The following WWTR1 variants were observed in gnomAD, a reference collection of about 807,000 sequenced individuals.
The protein encoded by WWTR1 is WW domain-containing transcription regulator protein 1.
In WWTR1, 13 loss-of-function variants were observed where a neutral mutation model predicts 40.1. That is an observed-to-expected ratio of 0.32 (90% CI 0.21 to 0.52). WWTR1 has a LOEUF of 0.52. WWTR1 is among the 20% of genes least tolerant of loss of function. The pLI is 0.97. For synonymous variants in WWTR1, 230 were observed against 210.1 expected, an observed-to-expected ratio of 1.09 and a Z score of -0.82; for missense variants, 436 against 523.1, an observed-to-expected ratio of 0.83 and a Z score of 1.63.
At chr3:149,688,829 G>A (rs1044024134) in intron 1 of WWTR1, among the ~76,000 whole-genome samples, 3 of 152,130 alleles carry the variant, frequency 2.0e-5, no homozygotes, top group African/African-American at 2.4e-5. Context: ...CAGAGTGACC[G>A]AGACATGCGA....
At chr3:149,573,243 C>G (rs1228355907) in intron 2 of WWTR1, among the ~76,000 whole-genome samples, 1 of 152,132 alleles carries the variant, frequency 6.6e-6, no homozygotes, top group Non-Finnish European at 1.5e-5. Context: ...GCTGTCCAGA[C>G]AGCCCTTGCA....
intron 2 of WWTR1, among the ~76,000 whole-genome samples, chr3:149,580,416 T>C (rs1738087215): frequency 6.6e-6 from 1 of 152,112 alleles, no homozygotes; most frequent in African/African-American, 2.4e-5. Context: ...CAATGGGAGC[T>C]GAGCACAGTG....
chr3:149,525,314 C>T (rs145491991), intron 6 of WWTR1, among the ~76,000 whole-genome samples: 96 of 152,148 alleles, frequency 6.3e-4, no homozygotes, highest in African/African-American at 2.3e-3. Flanking sequence ...TGTCACTTTC[C>T]AGGAGAAAGG....
chr3:149,525,460 AC>A (rs1268696697), intron 6 of WWTR1, among the ~76,000 whole-genome samples: 1 of 151,948 alleles, frequency 6.6e-6, no homozygotes, highest in East Asian at 1.9e-4. Context: ...AAAAAAAAAA[AC>A]AACAGAATTT....
upstream of WWTR1, among the ~76,000 whole-genome samples, chr3:149,661,562 C>T (rs893885490): frequency 6.6e-6 from 1 of 151,864 alleles, no homozygotes; most frequent in African/African-American, 2.4e-5. Context: ...GTTGGGACTA[C>T]AGACGTGCAC....
chr3:149,585,536 T>C (rs531635560), intron 2 of WWTR1, among the ~76,000 whole-genome samples: 2 of 147,448 alleles, frequency 1.4e-5, no homozygotes, highest in South Asian at 4.4e-4. Context: ...TCTCACATAG[T>C]TCCCCCACCA....
intron 1 of WWTR1, among the ~76,000 whole-genome samples, chr3:149,691,317 G>C (rs1012118139): frequency 3.3e-5 from 5 of 150,226 alleles, no homozygotes; most frequent in Admixed American, 6.6e-5. Flanking sequence ...AAAGATCAGA[G>C]CAGAAATAAA....
At chr3:149,569,673 A>G (rs1033965534) in intron 3 of WWTR1, among the ~76,000 whole-genome samples, 2 of 152,256 alleles carry the variant, frequency 1.3e-5, no homozygotes, top group Non-Finnish European at 2.9e-5. Context: ...TCTGATAGTA[A>G]TGCTATTAAC....
chr3:149,666,531 T>A (rs145835032), intron 2 of WWTR1, among the ~76,000 whole-genome samples: 158 of 152,320 alleles, frequency 1.0e-3, no homozygotes, highest in Middle Eastern at 3.4e-3. Context: ...CTAGTTATGA[T>A]CATTAAAAGC....
intron 1 of WWTR1, among the ~76,000 whole-genome samples, chr3:149,689,327 G>A (rs1404961318): frequency 4.2e-5 from 6 of 142,956 alleles, no homozygotes; most frequent in Non-Finnish European, 6.0e-5. Context: ...GTTGCAGTGA[G>A]CTGAGATCAT....
intron 2 of WWTR1, among the ~76,000 whole-genome samples, chr3:149,625,819 C>T (rs1031014977): frequency 6.6e-6 from 1 of 151,824 alleles, no homozygotes; most frequent in Non-Finnish European, 1.5e-5. Flanking sequence ...ATTAGCATCA[C>T]ATGCAAACAA....
chr3:149,601,443 C>T (rs1739237706), intron 2 of WWTR1, among the ~76,000 whole-genome samples: 1 of 152,186 alleles, frequency 6.6e-6, no homozygotes, highest in South Asian at 2.1e-4. Flanking sequence ...AGTGATCCAC[C>T]TGCCTCAGCC....
chr3:149,568,868 G>A (rs1280902877), intron 3 of WWTR1, among the ~76,000 whole-genome samples: 2 of 152,194 alleles, frequency 1.3e-5, no homozygotes, highest in African/African-American at 2.4e-5. Context: ...CCGGGTTCAC[G>A]CCATTCTCCT....
intron 1 of WWTR1, among the ~76,000 whole-genome samples, chr3:149,685,628 C>T (rs77706789): frequency 0.021 from 3,232 of 152,286 alleles, 65 homozygotes; most frequent in South Asian, 0.092. Flanking sequence ...TAATCCTCCC[C>T]TTTTACCACC....
At chr3:149,535,318 C>G (rs1276040098) in intron 4 of WWTR1, among the ~76,000 whole-genome samples, 2 of 151,846 alleles carry the variant, frequency 1.3e-5, no homozygotes, top group Non-Finnish European at 2.9e-5. Flanking sequence ...TGCCAAAACC[C>G]TGAGGGACTT....
At chr3:149,632,667 T>C (rs1000190366) in intron 2 of WWTR1, among the ~76,000 whole-genome samples, 1 of 152,198 alleles carries the variant, frequency 6.6e-6, no homozygotes, top group Non-Finnish European at 1.5e-5. Flanking sequence ...CACCAACAAA[T>C]GAATGGATAA....
rs58003955 is a variant in WWTR1 at position 149,580,655 on chromosome 3, C to T, written c.432-7655G>A. ...TGAGACGGAGTTTCGCTCTTGTCAC[C>T]CAGGCTGGAGTGCAATGGTGCGATC... is the stretch of plus-strand genomic sequence containing the variant. On this transcript the variant is annotated intron_variant, in intron 2 of 6. Coordinates refer to ENST00000360632, the MANE Select transcript of WWTR1 (RefSeq NM_015472.6). Among the ~76,000 whole-genome samples the T allele has an allele frequency of 6.8e-3, 1,030 of 152,304 alleles. 13 individuals carry two copies. The highest frequency in any genetic ancestry group is 0.024 in the African/African-American group (994 of 41,564).
intron 4 of WWTR1, among the ~76,000 whole-genome samples, chr3:149,720,736 C>T (rs932160795): frequency 6.6e-6 from 1 of 151,972 alleles, no homozygotes; most frequent in East Asian, 1.9e-4. Flanking sequence ...AATATTAAGT[C>T]TTCCAATCCG....
At chr3:149,524,504 C>T (rs1576534835) in intron 6 of WWTR1, among the ~76,000 whole-genome samples, 1 of 152,018 alleles carries the variant, frequency 6.6e-6, no homozygotes, top group Non-Finnish European at 1.5e-5. Flanking sequence ...AAATAAATCT[C>T]ACACTCAAAA....
Sources: allele counts gnomAD v4.1 joint callset (sites outside exome capture counted in the v4.1 genomes callset), GRCh38; gene constraint gnomAD v4.1.1; transcripts MANE v1.5; gene names NCBI Gene and HGNC (gene_info 2026-07-23, HGNC 2026-07-21).